Variants in SELP observed in about 807,000 individuals in gnomAD.
SELP encodes the protein selectin P.
In SELP, 92 loss-of-function variants were observed where a neutral mutation model predicts 104.1. The ratio of observed to expected loss-of-function variants is 0.88; its 90% CI spans 0.75 to 1.05. The LOEUF (loss-of-function observed/expected upper bound fraction) is 1.05, where lower values mean the gene tolerates loss of function less well. Among genes scored for constraint, SELP ranks in the 50% least tolerant of loss-of-function variants. SELP has a pLI of 0.00. For synonymous variants in SELP, 397 were observed against 364.5 expected, an observed-to-expected ratio of 1.09 and a Z score of -1.01; for missense variants, 1,022 against 1,017.3, an observed-to-expected ratio of 1.00 and a Z score of -0.06.
Position 169,597,125 on chromosome 1 carries a change from G to C in SELP, c.1757C>G (p.Ser586Cys). The C allele has an allele frequency of 6.2e-7, 1 of 1,612,230 alleles. No homozygotes were observed. Among genetic ancestry groups the C allele is most frequent in the Non-Finnish European group, 8.5e-7 (1 of 1,179,038 alleles). The change falls in exon 11 of 17, where the codon TCT (serine) becomes TGT (cysteine). Residue 586 changes from serine to cysteine, a missense_variant. By Grantham distance (112) the Ser-to-Cys change is moderately radical. Coordinates refer to ENST00000263686, the MANE Select transcript of SELP (RefSeq NM_003005.4). ...FAPEQGSLDCSDTRGEFNVGS... is the reference protein window; with the variant it reads ...FAPEQGSLDCCDTRGEFNVGS... Reference sequence around the variant, plus strand: ...AACATTGAATTCTCCACGAGTGTCAGAACAATCCAGGCTGCCCTGCTCTGG... The same window carrying C: ...AACATTGAATTCTCCACGAGTGTCACAACAATCCAGGCTGCCCTGCTCTGG...
At chr1:169,602,630 TGAG>T (rs957163103) in intron 10 of SELP, among the ~76,000 whole-genome samples, 2 of 152,192 alleles carry the variant, frequency 1.3e-5, no homozygotes, top group African/African-American at 4.8e-5. Flanking sequence ...AATTTTTTTT[TGAG>T]ACAGAGTCTC....
chr1:169,594,464 A>G (rs1048164676), intron 13 of SELP, among the ~76,000 whole-genome samples: 1 of 152,192 alleles, frequency 6.6e-6, no homozygotes, highest in East Asian at 1.9e-4. Flanking sequence ...TTCATTTCAC[A>G]AACTGAACAC....
At chr1:169,605,045 G>A (rs1348879580) in intron 9 of SELP, among the ~76,000 whole-genome samples, 1 of 152,212 alleles carries the variant, frequency 6.6e-6, no homozygotes, top group Admixed American at 6.5e-5. Context: ...GAACTGGAAG[G>A]TCACAGGAAG....
intron 7 of SELP, among the ~76,000 whole-genome samples, chr1:169,611,002 TCCG>T (rs1334672151): frequency 1.3e-5 from 2 of 152,158 alleles, no homozygotes; most frequent in Non-Finnish European, 2.9e-5. Flanking sequence ...ATTACCACTG[TCCG>T]CCTTATAAAC....
chr1:169,606,776 G>A (rs771845149), intron 9 of SELP, among the ~76,000 whole-genome samples, 173 bp downstream of exon 9: 4 of 152,172 alleles, frequency 2.6e-5, no homozygotes, highest in Non-Finnish European at 5.9e-5. Context: ...ATCCCCCGGA[G>A]GCATTTGCAT....
chr1:169,609,725 G>T, intron 7 of SELP, 36 bp from the exon 8 acceptor site: 1 of 1,567,848 alleles, frequency 6.4e-7, no homozygotes, highest in South Asian at 1.2e-5. Context: ...GCCAGGTAAT[G>T]GAAGGGCCGG....
At chr1:169,601,663 G>C (rs3917778) in intron 10 of SELP, among the ~76,000 whole-genome samples, 1 of 152,194 alleles carries the variant, frequency 6.6e-6, no homozygotes, top group African/African-American at 2.4e-5. Flanking sequence ...CTGGGTGATA[G>C]TGTAGTTCAG....
rs781197041 is a variant in SELP at position 169,595,902 on chromosome 1, CT to C, written c.2101+22del. ...TACTTGCAGGAAGGCAGGTTCAGAA[CT>C]GCCTGCTCCTTTTCACCTTACCTCT... is the stretch of plus-strand genomic sequence containing the variant. On this transcript the variant is annotated intron_variant, in intron 12 of 16. Coordinates refer to ENST00000263686, the MANE Select transcript of SELP (RefSeq NM_003005.4). The C allele has an allele frequency of 3.1e-6, 5 of 1,609,680 alleles. No individual in the cohort carries two copies. The Admixed American group carries it at 8.3e-5, about 27-fold the overall frequency.
At chr1:169,626,214 C>T (rs765008047) in intron 1 of SELP, among the ~76,000 whole-genome samples, 7 of 152,108 alleles carry the variant, frequency 4.6e-5, no homozygotes, top group Non-Finnish European at 8.8e-5. Context: ...AAATACGAGC[C>T]GGGGGTAGTG....
At position 169,611,673 on chromosome 1, in the gene SELP, C is replaced by A; in HGVS notation, c.966G>T (p.Val322=). Residue 322 remains valine (V), a synonymous_variant, in exon 7 of 17, where the codon GTG becomes GTT. Transcript: ENST00000263686. ...WTAPAPVCKA[V]QCQHLEAPSE... is the part of the protein sequence containing the mutation. Reference sequence around the variant, plus strand: ...TGGGGGCTTCCAGGTGCTGACACTGCACAGCTGGAGAGAATAACCAAGGAT... The same window carrying A: ...TGGGGGCTTCCAGGTGCTGACACTGAACAGCTGGAGAGAATAACCAAGGAT... The A allele has an allele frequency of 6.2e-7, 1 of 1,613,686 alleles. No individual in the cohort carries two copies. Among genetic ancestry groups the A allele is most frequent in the Non-Finnish European group, 8.5e-7 (1 of 1,179,800 alleles).
intron 14 of SELP, among the ~76,000 whole-genome samples, chr1:169,591,726 A>G (rs946371364): frequency 2.0e-5 from 3 of 152,196 alleles, no homozygotes; most frequent in Admixed American, 6.5e-5. Flanking sequence ...TTTTGAGGGC[A>G]TCTTGTGTCA....
chr1:169,601,199 A>G (rs1661894355), intron 10 of SELP, among the ~76,000 whole-genome samples: 3 of 152,264 alleles, frequency 2.0e-5, no homozygotes, highest in Admixed American at 2.0e-4. Flanking sequence ...GTGAAAAACC[A>G]CAAGCCCAAA....
chr1:169,610,450 C>T (rs1662464171), intron 7 of SELP, among the ~76,000 whole-genome samples: 1 of 152,154 alleles, frequency 6.6e-6, no homozygotes, highest in Non-Finnish European at 1.5e-5. Flanking sequence ...GTAAAGACTA[C>T]CTCTTTGCTC....
intron 8 of SELP, 42 bp downstream of exon 8, chr1:169,609,462 C>A: frequency 6.4e-7 from 1 of 1,569,548 alleles, no homozygotes; most frequent in South Asian, 1.2e-5. Context: ...ATGCCTCTAA[C>A]GAGCTGAGAC....
intron 3 of SELP, among the ~76,000 whole-genome samples, chr1:169,615,869 G>A (rs1436368930): frequency 6.6e-6 from 1 of 152,138 alleles, no homozygotes; most frequent in Non-Finnish European, 1.5e-5. Flanking sequence ...GGGCTTCTGA[G>A]GGAGAGGTGT....
intron 9 of SELP, among the ~76,000 whole-genome samples, chr1:169,605,368 G>T (rs1056445826): frequency 5.3e-5 from 8 of 152,102 alleles, no homozygotes; most frequent in African/African-American, 1.9e-4. Flanking sequence ...ATCCTCTCTG[G>T]TGCCTGGCGA....
At chr1:169,612,518 C>T (rs1662594526) in intron 5 of SELP, 116 bp from the exon 6 acceptor site, 6 of 902,182 alleles carry the variant, frequency 6.7e-6, no homozygotes, top group South Asian at 6.3e-5. Context: ...CAGGTTGATG[C>T]ACTAGAATGG....
intron 9 of SELP, among the ~76,000 whole-genome samples, chr1:169,603,814 T>C (rs931352617): frequency 2.6e-5 from 4 of 152,220 alleles, no homozygotes; most frequent in African/African-American, 9.6e-5. Flanking sequence ...GGAAAATCCT[T>C]GCATATGTGC....
intron 1 of SELP, among the ~76,000 whole-genome samples, chr1:169,621,787 T>G (rs1571678370): frequency 6.6e-6 from 1 of 152,220 alleles, no homozygotes; most frequent in East Asian, 1.9e-4. Context: ...CATAACGTTA[T>G]GATTTACAGC....
Sources: gnomAD v4.1 joint callset for allele counts (sites outside exome capture counted in the v4.1 genomes callset) on GRCh38, gnomAD v4.1.1 for gene constraint, MANE v1.5 for transcripts, NCBI Gene and HGNC (gene_info 2026-07-23, HGNC 2026-07-21) for gene names.